TUBB6: variants seen among roughly 807,000 people sequenced by gnomAD.
TUBB6 encodes tubulin beta-6 chain.
A neutral mutation model predicts 32.3 loss-of-function variants in TUBB6; 18 were observed. That is an observed-to-expected ratio of 0.56 (90% confidence interval 0.39 to 0.83). The LOEUF (loss-of-function observed/expected upper bound fraction) is 0.83, where lower values mean the gene tolerates loss of function less well. TUBB6 is among the 40% of genes least tolerant of loss of function. The pLI, the probability that TUBB6 is intolerant of heterozygous loss-of-function variation, is 0.00. For missense variants in TUBB6, 480 were observed against 632.0 expected, an observed-to-expected ratio of 0.76 and a Z score of 2.58; for synonymous variants, 280 against 265.8, an observed-to-expected ratio of 1.05 and a Z score of -0.52.
At position 12,308,276 on chromosome 18, in the gene TUBB6, G is replaced by A; in HGVS notation, c.-17G>A. 7.0e-7 allele frequency: 1 copy of A among 1,437,384 alleles called. No individual in the cohort carries two copies. The highest frequency in any genetic ancestry group is 9.2e-7 in the Non-Finnish European group (1 of 1,089,802). The allele number at this position is 1,437,384 out of a possible 1,614,324, so 89.0% of individuals were successfully genotyped here. A position where few individuals can be genotyped will look rare whatever the true frequency, so the allele number is the denominator to read the frequency against. ...GTCGTCCGCAGAGCCAGTTCCTAGC[G>A]CAGAGCCGCGCCCGCCATGAGGGAG... On this transcript the variant is annotated 5_prime_UTR_variant, in exon 1 of 4. Coordinates refer to ENST00000317702, the MANE Select transcript of TUBB6 (RefSeq NM_032525.3).
chr18:12,325,756 A>AT lies in TUBB6; in HGVS notation c.968dup (p.Met323IlefsTer14). The AT allele has an allele frequency of 3.1e-6, 5 of 1,614,228 alleles. No individual in the cohort carries two copies. The highest frequency in any genetic ancestry group is 4.2e-6 in the Non-Finnish European group (5 of 1,180,026). On this transcript the variant is annotated frameshift_variant, in exon 4 of 4. Transcript: ENST00000317702. LOFTEE classifies it high-confidence loss of function. ...CACCGTGTTCCGCGGGCCCATGTCC[A>AT]TGAAGGAGGTGGACGAGCAGATGCT... is the stretch of plus-strand genomic sequence containing the variant.
At chr18:12,328,099 T>C (rs1410353015), downstream of TUBB6, among the ~76,000 whole-genome samples, 1 of 152,238 alleles carries the variant, frequency 6.6e-6, no homozygotes, top group Non-Finnish European at 1.5e-5. Flanking sequence ...GGGGCGCCTG[T>C]TCTCCTGGCA....
chr18:12,324,984 TCACAC>T (rs1907195101), intron 3 of TUBB6, 78 bp from the exon 4 acceptor site: 1 of 1,518,862 alleles, frequency 6.6e-7, no homozygotes, highest in Non-Finnish European at 8.8e-7. Flanking sequence ...TGGAATCACT[TCACAC>T]CCTCCTTGTC....
intron 3 of TUBB6, among the ~76,000 whole-genome samples, chr18:12,322,326 ATTGAG>A (rs1295842253): frequency 1.3e-5 from 2 of 151,098 alleles, no homozygotes. Flanking sequence ...AATAAACAAA[ATTGAG>A]TTAAGTGACA....
At chr18:12,312,515 G>A (rs1051797391) in intron 3 of TUBB6, among the ~76,000 whole-genome samples, 1 of 151,986 alleles carries the variant, frequency 6.6e-6, no homozygotes, top group African/African-American at 2.4e-5. Context: ...TGAGATGTAA[G>A]GATTAAATAA....
rs1368224828 is a variant in TUBB6 at position 12,325,618 on chromosome 18, G to A, written c.829G>A (p.Gly277Ser). 32 of 1,613,692 alleles carry A rather than the reference G, an allele frequency of 2.0e-5. No individual in the cohort carries two copies. Among genetic ancestry groups the A allele is most frequent in the Non-Finnish European group, 2.4e-5 (28 of 1,179,940 alleles). The change falls in exon 4 of 4, where the codon GGC becomes AGC. Residue 277 changes from glycine (G) to serine (S), a missense_variant. Coordinates refer to ENST00000317702, the MANE Select transcript of TUBB6 (RefSeq NM_032525.3). ...MPGFAPLTSR[G>S]SQQYRALTVP... is the part of the protein sequence containing the mutation. Reference sequence around the variant, plus strand: ...TGGCTTCGCGCCGCTCACCAGCCGCGGCAGCCAGCAGTACCGGGCCCTGAC... The same window carrying A: ...TGGCTTCGCGCCGCTCACCAGCCGCAGCAGCCAGCAGTACCGGGCCCTGAC...
At chr18:12,319,879 C>T (rs1311600829) in intron 3 of TUBB6, among the ~76,000 whole-genome samples, 2 of 151,810 alleles carry the variant, frequency 1.3e-5, no homozygotes. Context: ...CTCCACCTCC[C>T]GGGTTCACGC....
chr18:12,319,121 TTTTTCC>T, intron 3 of TUBB6, among the ~76,000 whole-genome samples: 1 of 50,154 alleles, frequency 2.0e-5, no homozygotes, highest in South Asian at 1.1e-3. Flanking sequence ...CCTGCTGACA[TTTTTCC>T]TTTTTCCTTT....
At chr18:12,324,933 G>C (rs1314655744) in intron 3 of TUBB6, 134 bp from the exon 4 acceptor site, 1 of 1,495,018 alleles carries the variant, frequency 6.7e-7, no homozygotes, top group African/African-American at 1.4e-5. Context: ...GTTGGTGGGT[G>C]CCTGTTTCCC....
At chr18:12,328,929 A>C (rs12327107), downstream of TUBB6, 95 of 480,704 alleles carry the variant, frequency 2.0e-4, 1 homozygote, top group African/African-American at 1.7e-3. Flanking sequence ...CCAGAGCATA[A>C]ATAGGGACCC....
At chr18:12,329,222 C>A (rs757183547), downstream of TUBB6, 1 of 702,844 alleles carries the variant, frequency 1.4e-6, no homozygotes, top group South Asian at 1.5e-5. Flanking sequence ...TTCCCACACG[C>A]CAAGAGTCCA....
At chr18:12,317,548 TG>T (rs1405956496) in intron 3 of TUBB6, among the ~76,000 whole-genome samples, 1 of 152,230 alleles carries the variant, frequency 6.6e-6, no homozygotes, top group African/African-American at 2.4e-5. Flanking sequence ...GAAAGTTTTG[TG>T]GGAAAAGAAT....
rs1907255406 is a variant in TUBB6, at chr18:12,325,590, G to T, written c.801G>T (p.Met267Ile). 4.3e-6 allele frequency: 7 copies of T among 1,613,920 alleles called. No homozygotes were observed. Among genetic ancestry groups the T allele is most frequent in the South Asian group, 1.1e-5 (1 of 91,078 alleles). Residue 267 changes from methionine to isoleucine, a missense_variant, in exon 4 of 4, where the codon ATG becomes ATT. Coordinates refer to ENST00000317702, the MANE Select transcript of TUBB6 (RefSeq NM_032525.3). ...CCTTCCCGCGCCTGCACTTCTTCAT[G>T]CCTGGCTTCGCGCCGCTCACCAGCC... ...MVPFPRLHFF[M>I]PGFAPLTSRG...
At chr18:12,328,723 T>A (rs373052941), downstream of TUBB6, among the ~76,000 whole-genome samples, 55 of 152,320 alleles carry the variant, frequency 3.6e-4, no homozygotes, top group Middle Eastern at 3.4e-3. Flanking sequence ...TTATCACAGA[T>A]TCAGGCCATG....
intron 3 of TUBB6, chr18:12,320,649 TC>T (rs1391965140): frequency 1.3e-5 from 2 of 152,364 alleles, no homozygotes; most frequent in Non-Finnish European, 2.9e-5. Flanking sequence ...TGAAGATCTT[TC>T]CATTTCACAA....
At chr18:12,329,376 G>A, downstream of TUBB6, 1 of 692,468 alleles carries the variant, frequency 1.4e-6, no homozygotes, top group Non-Finnish European at 2.6e-6. Context: ...AAGGCCTCCG[G>A]AAAGTCACCT....
rs1384477030 is a variant in TUBB6 at position 12,325,436 on chromosome 18, A to G, written c.647A>G (p.Lys216Arg). Residue 216 changes from lysine to arginine, a missense_variant, in exon 4 of 4, where the codon AAG becomes AGG. Coordinates refer to ENST00000317702, the MANE Select transcript of TUBB6 (RefSeq NM_032525.3). ...ALYDICFRTL[K>R]LTTPTYGDLN... Reference sequence around the variant, plus strand: ...TATGACATCTGCTTCCGCACTCTGAAGCTGACAACGCCCACCTACGGGGAC... The same window carrying G: ...TATGACATCTGCTTCCGCACTCTGAGGCTGACAACGCCCACCTACGGGGAC... The G allele has an allele frequency of 2.5e-6, 4 of 1,614,198 alleles. No individual in the cohort carries two copies. The highest frequency in any genetic ancestry group is 1.6e-4 in the Middle Eastern group (1 of 6,062).
In TUBB6 at chr18:12,326,401, C is replaced by T. The variant is rs2143061140; in HGVS notation, c.*271C>T. ...AACTGAGGGGCCACAAAATAAACTT[C>T]ACCTTCCATTAAGTGTTCAAGCATG... On this transcript the variant is annotated 3_prime_UTR_variant, in exon 4 of 4. Coordinates refer to ENST00000317702, the MANE Select transcript of TUBB6 (RefSeq NM_032525.3). 1 of 450,444 alleles carries T rather than the reference C, an allele frequency of 2.2e-6. No homozygotes were observed. The highest frequency in any genetic ancestry group is 3.9e-6 in the Non-Finnish European group (1 of 255,300). The allele number at this position is 450,444 out of a possible 1,614,324, so 27.9% of individuals were successfully genotyped here. A position where few individuals can be genotyped will look rare whatever the true frequency, so the allele number is the denominator to read the frequency against.
At chr18:12,308,216 C>G (rs1026729841), upstream of TUBB6, 4 of 1,144,568 alleles carry the variant, frequency 3.5e-6, no homozygotes, top group Non-Finnish European at 2.2e-6. Flanking sequence ...GAGGGTCGGC[C>G]CCGGGACGCG....
Sources: gnomAD v4.1 joint callset for allele counts (sites outside exome capture counted in the v4.1 genomes callset) on GRCh38, gnomAD v4.1.1 for gene constraint, MANE v1.5 for transcripts, NCBI Gene and HGNC (gene_info 2026-07-23, HGNC 2026-07-21) for gene names.